The following PIEZO2 variants were observed in gnomAD, a reference collection of about 807,000 sequenced individuals.
The protein encoded by PIEZO2 is piezo-type mechanosensitive ion channel component 2.
PIEZO2 carries 172 observed loss-of-function variants against 337.3 expected under a neutral mutation model. That is an observed-to-expected ratio of 0.51 (90% confidence interval 0.45 to 0.58). The LOEUF is 0.58. PIEZO2 is among the 20% of genes least tolerant of loss of function. PIEZO2 has a pLI of 0.00. For synonymous variants in PIEZO2, 1,251 were observed against 1,228.5 expected (o/e 1.02, Z -0.38); for missense variants, 3,028 against 3,391.3 (o/e 0.89, Z 2.66).
intron 18 of PIEZO2, among the ~76,000 whole-genome samples, chr18:10,774,268 T>G (rs574594511): frequency 6.6e-6 from 1 of 152,324 alleles, no homozygotes; most frequent in East Asian, 1.9e-4. Flanking sequence ...ATTGCAGGTT[T>G]GTAAAGGAGA....
At chr18:11,119,679 C>T (rs1039105287) in intron 1 of PIEZO2, among the ~76,000 whole-genome samples, 1 of 152,162 alleles carries the variant, frequency 6.6e-6, no homozygotes, top group African/African-American at 2.4e-5. Context: ...AGCACTTGAA[C>T]CACCTCCATG....
chr18:11,075,538 T>G (rs1270891085), intron 1 of PIEZO2, among the ~76,000 whole-genome samples: 1 of 152,160 alleles, frequency 6.6e-6, no homozygotes, highest in Admixed American at 6.5e-5. Flanking sequence ...ACAAGAACAT[T>G]CTCTTCCTCT....
intron 2 of PIEZO2, among the ~76,000 whole-genome samples, chr18:11,060,191 G>C (rs2037889815): frequency 6.6e-6 from 1 of 152,122 alleles, no homozygotes; most frequent in South Asian, 2.1e-4. Context: ...CAGAAATAAA[G>C]ATGTTCTTTG....
rs2039188669 is a variant in PIEZO2, at chr18:11,094,085, T to C, written c.65-27863A>G. ...CCTCTGCCTCCTGGGTTCAAGCGAT[T>C]CTCCTGCTTCAGCCTCCCAAGTAGC... On this transcript the variant is annotated intron_variant, in intron 1 of 55. Transcript: ENST00000674853. This position sits in a 1 kb window ranked among gnomAD's most constrained non-coding sequence, Gnocchi z 4.4. 1.3e-5 allele frequency among the ~76,000 whole-genome samples: 2 copies of C among 152,088 alleles called. No homozygotes were observed. The highest frequency in any genetic ancestry group is 4.8e-5 in the African/African-American group (2 of 41,416).
Position 10,815,853 on chromosome 18 carries a change from A to T in PIEZO2, c.918-8579T>A, listed in dbSNP as rs1160124142. Reference sequence around the variant, plus strand: ...AAATTTCTACCCAGTTATACAGCTCATGAGGTGGAGGCCTAGGTGATGCTT... The same window carrying T: ...AAATTTCTACCCAGTTATACAGCTCTTGAGGTGGAGGCCTAGGTGATGCTT... On this transcript the variant is annotated intron_variant, in intron 7 of 55. Coordinates refer to ENST00000674853, the MANE Select transcript of PIEZO2 (RefSeq NM_001378183.1). This position sits in a 1 kb window ranked among gnomAD's most constrained non-coding sequence, Gnocchi z 4.1. 6.6e-6 allele frequency among the ~76,000 whole-genome samples: 1 copy of T among 152,182 alleles called. No individual in the cohort carries two copies. Among genetic ancestry groups the T allele is most frequent in the Admixed American group, 6.5e-5 (1 of 15,268 alleles).
rs2039516428 is a variant in PIEZO2, at chr18:11,104,852, C to T, written c.65-38630G>A. ...TTGATATGGTCCAGGAGTGGTTGAACCACTCCAGTCCTAGGTGTGACTGGA... is the reference window on the plus strand; with the variant it reads ...TTGATATGGTCCAGGAGTGGTTGAATCACTCCAGTCCTAGGTGTGACTGGA... On this transcript the variant is annotated intron_variant, in intron 1 of 55. Transcript: ENST00000674853. The surrounding 1 kb of genome is among the most constrained non-coding windows in gnomAD (Gnocchi z 4.6). Among the ~76,000 whole-genome samples the T allele has an allele frequency of 6.6e-6, 1 of 152,166 alleles. No individual in the cohort carries two copies. Among genetic ancestry groups the T allele is most frequent in the South Asian group, 2.1e-4 (1 of 4,828 alleles).
At chr18:11,087,587 G>A (rs772232602) in intron 1 of PIEZO2, among the ~76,000 whole-genome samples, 1 of 152,212 alleles carries the variant, frequency 6.6e-6, no homozygotes, top group Non-Finnish European at 1.5e-5. Flanking sequence ...TGTTTCCTGT[G>A]AACATTGATA....
intron 1 of PIEZO2, among the ~76,000 whole-genome samples, chr18:11,076,990 T>C (rs1315519068): frequency 6.6e-6 from 1 of 152,222 alleles, no homozygotes; most frequent in Non-Finnish European, 1.5e-5. Context: ...CATAATTGTC[T>C]CTGATCTGAC....
At position 11,128,533 on chromosome 18, in the gene PIEZO2, G is replaced by C. The variant is rs1005940363; in HGVS notation, c.64+19992C>G. Among the ~76,000 whole-genome samples the C allele has an allele frequency of 9.2e-5, 14 of 152,190 alleles. No individual in the cohort carries two copies. The highest frequency in any genetic ancestry group is 3.1e-4 in the African/African-American group (13 of 41,430). ...TGAACCTTTTTTGCCAGAAGGAACA[G>C]CTTCCCCATCCCCAGTAGCGGCAAC... On this transcript the variant is annotated intron_variant, in intron 1 of 55. Transcript: ENST00000674853. This position sits in a 1 kb window ranked among gnomAD's most constrained non-coding sequence, Gnocchi z 4.1.
At chr18:10,937,365 C>A (rs917036861) in intron 3 of PIEZO2, among the ~76,000 whole-genome samples, 4 of 152,124 alleles carry the variant, frequency 2.6e-5, no homozygotes, top group African/African-American at 9.7e-5. Flanking sequence ...TTCTTTGGAG[C>A]AGCTTGTGCA....
intron 3 of PIEZO2, among the ~76,000 whole-genome samples, chr18:10,974,230 G>A (rs1568256464): frequency 1.3e-5 from 2 of 152,194 alleles, no homozygotes; most frequent in Non-Finnish European, 2.9e-5. Flanking sequence ...GTGTTTCAAG[G>A]ATAGAAGCAT....
In PIEZO2 at chr18:11,083,613, C is replaced by T. The variant is rs2038823901; in HGVS notation, c.65-17391G>A. On this transcript the variant is annotated intron_variant, in intron 1 of 55. Transcript: ENST00000674853. The surrounding 1 kb of genome is among the most constrained non-coding windows in gnomAD (Gnocchi z 4.4). ...AACTTCCAAAGTTACTTATGAAAGG[C>T]TTGGTGCAGAGTCTGAGGGCACAGA... 1.0e-5 allele frequency among the ~76,000 whole-genome samples: 1 copy of T among 95,722 alleles called. No homozygotes were observed. Among genetic ancestry groups the T allele is most frequent in the African/African-American group, 7.5e-5 (1 of 13,354 alleles). 62.8% of individuals were successfully genotyped at this position (95,722 alleles called of 152,430 possible).
At chr18:10,789,877 GT>G (rs2039352421) in intron 14 of PIEZO2, among the ~76,000 whole-genome samples, 1 of 152,116 alleles carries the variant, frequency 6.6e-6, no homozygotes, top group African/African-American at 2.4e-5. Flanking sequence ...TGTAATTTAA[GT>G]TTAAAACAAT....
intron 51 of PIEZO2, among the ~76,000 whole-genome samples, chr18:10,681,148 G>T (rs891672060): frequency 1.3e-5 from 2 of 152,078 alleles, no homozygotes; most frequent in African/African-American, 2.4e-5. Flanking sequence ...AACATGGCAC[G>T]TAAATAAAAT....
In PIEZO2 at chr18:11,017,246, G is replaced by A. The variant is rs148186706; in HGVS notation, c.161-37586C>T. Among the ~76,000 whole-genome samples the A allele has an allele frequency of 4.6e-5, 7 of 152,240 alleles. No individual in the cohort carries two copies. In the East Asian group the frequency reaches 1.4e-3, roughly 29 times the overall value. ...AAGTCCAACTGCTTCTTACATTACT[G>A]GAAGTGTTTTAGCAGAAATTAAGTG... On this transcript the variant is annotated intron_variant, in intron 2 of 55. Coordinates refer to ENST00000674853, the MANE Select transcript of PIEZO2 (RefSeq NM_001378183.1).
In PIEZO2 at chr18:11,140,148, T is replaced by C. The variant is rs187524863; in HGVS notation, c.64+8377A>G. 2.4e-3 allele frequency among the ~76,000 whole-genome samples: 364 copies of C among 152,344 alleles called. 1 individual carries two copies. Among genetic ancestry groups the C allele is most frequent in the African/African-American group, 8.5e-3 (352 of 41,574 alleles). On this transcript the variant is annotated intron_variant, in intron 1 of 55. Coordinates refer to ENST00000674853, the MANE Select transcript of PIEZO2 (RefSeq NM_001378183.1). ...AGAAGAGCAGCCCCAGAGCTCTTCA[T>C]GGACACCTGAGGCTCCCTTCAAAAA...
At chr18:10,699,972 G>A (rs1253928035) in intron 43 of PIEZO2, among the ~76,000 whole-genome samples, 1 of 152,150 alleles carries the variant, frequency 6.6e-6, no homozygotes, top group Non-Finnish European at 1.5e-5. Flanking sequence ...CCAACTCCGA[G>A]AATGATCAAT....
chr18:10,845,511 T>C (rs1471220334), intron 7 of PIEZO2, among the ~76,000 whole-genome samples: 1 of 152,188 alleles, frequency 6.6e-6, no homozygotes, highest in East Asian at 1.9e-4. Context: ...ATCACATACA[T>C]GTGTTTCTAC....
rs971494503 is a variant in PIEZO2, at chr18:10,969,734, C to T, written c.286+9801G>A. On this transcript the variant is annotated intron_variant, in intron 3 of 55. Transcript: ENST00000674853. The surrounding 1 kb of genome is among the most constrained non-coding windows in gnomAD (Gnocchi z 4.5). ...TCTGAGCAGGATTTGGGGTATGCAC[C>T]TGTAGGAGAGGAGTGAGGGGACAGA... Among the ~76,000 whole-genome samples the T allele has an allele frequency of 6.6e-6, 1 of 151,580 alleles. No homozygotes were observed. Among genetic ancestry groups the T allele is most frequent in the East Asian group, 1.9e-4 (1 of 5,146 alleles).
Sources: allele counts gnomAD v4.1 joint callset (sites outside exome capture counted in the v4.1 genomes callset), GRCh38; gene constraint gnomAD v4.1.1; non-coding constraint Gnocchi (gnomAD v3.1); transcripts MANE v1.5; gene names NCBI Gene and HGNC (gene_info 2026-07-23, HGNC 2026-07-21).